Variants in MSI2 observed in about 807,000 individuals in gnomAD.
The protein encoded by MSI2 is musashi RNA binding protein 2.
A neutral mutation model predicts 45.6 loss-of-function variants in MSI2; 17 were observed. That is an observed-to-expected ratio of 0.37 (90% confidence interval 0.26 to 0.56). The LOEUF is 0.56. Among genes scored for constraint, MSI2 ranks in the 20% least tolerant of loss-of-function variants. MSI2 has a pLI of 0.77. For synonymous variants in MSI2, 156 were observed against 158.2 expected, an observed-to-expected ratio of 0.99 and a Z score of 0.11; for missense variants, 293 against 444.2, an observed-to-expected ratio of 0.66 and a Z score of 3.06.
chr17:57,649,403 A>C (rs1910953553), intron 10 of MSI2, among the ~76,000 whole-genome samples: 1 of 151,000 alleles, frequency 6.6e-6, no homozygotes, highest in South Asian at 2.1e-4. Context: ...CATACACCCA[A>C]CACATGTACA....
chr17:57,512,909 G>T (rs1376115082), intron 6 of MSI2, among the ~76,000 whole-genome samples: 3 of 151,094 alleles, frequency 2.0e-5, no homozygotes, highest in African/African-American at 7.3e-5. Context: ...AATAATAATG[G>T]ATGGCAGCTG....
At chr17:57,531,342 T>C (rs1030875828) in intron 7 of MSI2, among the ~76,000 whole-genome samples, 1 of 152,184 alleles carries the variant, frequency 6.6e-6, no homozygotes, top group African/African-American at 2.4e-5. Flanking sequence ...ATGCCAAGCA[T>C]CTAGTCAATT....
intron 6 of MSI2, among the ~76,000 whole-genome samples, chr17:57,442,536 C>T (rs753986193): frequency 3.3e-5 from 5 of 152,104 alleles, no homozygotes; most frequent in Non-Finnish European, 7.4e-5. Context: ...AGTTAGCCAT[C>T]TCCCCTCCCC....
At chr17:57,488,792 C>G (rs2085806593) in intron 6 of MSI2, among the ~76,000 whole-genome samples, 1 of 151,750 alleles carries the variant, frequency 6.6e-6, no homozygotes. Flanking sequence ...CCATTGCACT[C>G]CAGCTTGGGC....
chr17:57,497,910 C>G (rs764075608), intron 6 of MSI2, among the ~76,000 whole-genome samples: 17 of 152,184 alleles, frequency 1.1e-4, no homozygotes, highest in Non-Finnish European at 2.2e-4. Context: ...ACCAAGAGAG[C>G]TGGTCCTTGG....
At chr17:57,585,291 C>A (rs2088316853) in intron 7 of MSI2, among the ~76,000 whole-genome samples, 1 of 152,122 alleles carries the variant, frequency 6.6e-6, no homozygotes, top group South Asian at 2.1e-4. Flanking sequence ...TATACAGAGA[C>A]AAAAGTAAGC....
At chr17:57,411,149 C>T (rs948128692) in intron 6 of MSI2, among the ~76,000 whole-genome samples, 4 of 152,106 alleles carry the variant, frequency 2.6e-5, no homozygotes, top group African/African-American at 9.7e-5. Flanking sequence ...GGACTACAGG[C>T]ATGCACCACC....
At chr17:57,677,152 A>G in intron 13 of MSI2, 93 bp downstream of exon 13, 1 of 858,718 alleles carries the variant, frequency 1.2e-6, no homozygotes, top group Non-Finnish European at 2.0e-6. Flanking sequence ...CCCCTGTCTC[A>G]TCACATCCAC....
At chr17:57,457,904 G>A (rs1177211960) in intron 6 of MSI2, among the ~76,000 whole-genome samples, 9 of 151,894 alleles carry the variant, frequency 5.9e-5, no homozygotes, top group Admixed American at 1.3e-4. Flanking sequence ...GTGAGACCTC[G>A]TCTTTAAAAG....
chr17:57,604,881 C>CG (rs368361959), intron 8 of MSI2, among the ~76,000 whole-genome samples: 1 of 151,488 alleles, frequency 6.6e-6, no homozygotes, highest in Admixed American at 6.6e-5. Flanking sequence ...CTCACCCCCC[C>CG]ACTCCTTCCA....
intron 5 of MSI2, among the ~76,000 whole-genome samples, chr17:57,356,166 T>A (rs1156862401): frequency 6.6e-6 from 1 of 152,218 alleles, no homozygotes; most frequent in Non-Finnish European, 1.5e-5. Context: ...TGAGCCACCG[T>A]GCCTGGCCAG....
Position 57,627,289 on chromosome 17 carries a change from G to C in MSI2, c.713G>C (p.Gly238Ala), listed in dbSNP as rs1203491123. 2 of 1,614,204 alleles carry C rather than the reference G, an allele frequency of 1.2e-6. No individual in the cohort carries two copies. The highest frequency in any genetic ancestry group is 1.7e-6 in the Non-Finnish European group (2 of 1,180,038). The change falls in exon 10 of 14, where the codon GGC (glycine) becomes GCC (alanine). Residue 238 changes from glycine (G) to alanine (A), a missense_variant. Gly to Ala is a moderately conservative substitution (Grantham distance 60, BLOSUM62 0). Transcript: ENST00000284073. The surrounding 1 kb of genome is among the most constrained non-coding windows in gnomAD (Gnocchi z 4.6). ...TACCCCGGATTTGCTCCAAGCTATGGCTATCAGTTCCCAGGTGAGTGGCTT... is the reference window on the plus strand; with the variant it reads ...TACCCCGGATTTGCTCCAAGCTATGCCTATCAGTTCCCAGGTGAGTGGCTT... ...RGYPGFAPSYGYQFPGFPAAA... is the reference protein window; with the variant it reads ...RGYPGFAPSYAYQFPGFPAAA...
intron 6 of MSI2, among the ~76,000 whole-genome samples, chr17:57,500,753 G>T (rs951876452): frequency 7.6e-5 from 11 of 144,732 alleles, no homozygotes; most frequent in African/African-American, 2.8e-4. Flanking sequence ...CAGGCAAATT[G>T]CTTGAGCTCA....
intron 5 of MSI2, among the ~76,000 whole-genome samples, chr17:57,338,396 T>C (rs1255325247): frequency 1.3e-5 from 2 of 152,244 alleles, no homozygotes; most frequent in Non-Finnish European, 2.9e-5. Context: ...GCCTGTTTTA[T>C]TTTATTTTTT....
intron 5 of MSI2, among the ~76,000 whole-genome samples, chr17:57,368,297 G>C (rs898473751): frequency 1.3e-5 from 2 of 152,052 alleles, no homozygotes; most frequent in Non-Finnish European, 1.5e-5. Context: ...TGCACTTTGG[G>C]AGGCTCCCAG....
At chr17:57,414,510 C>G (rs2084257410) in intron 6 of MSI2, among the ~76,000 whole-genome samples, 1 of 152,120 alleles carries the variant, frequency 6.6e-6, no homozygotes, top group Non-Finnish European at 1.5e-5. Flanking sequence ...CTGCCTCAGC[C>G]TCCCAAGTAG....
chr17:57,491,147 G>T (rs1042466911), intron 6 of MSI2, among the ~76,000 whole-genome samples: 1 of 152,318 alleles, frequency 6.6e-6, no homozygotes, highest in East Asian at 1.9e-4. Context: ...CCAAGCGCTC[G>T]CATTGGTCAG....
chr17:57,408,625 C>T (rs2084129932), intron 6 of MSI2, among the ~76,000 whole-genome samples: 1 of 152,014 alleles, frequency 6.6e-6, no homozygotes, highest in African/African-American at 2.4e-5. Flanking sequence ...GTACTTCCAC[C>T]AGCTCACCTT....
intron 11 of MSI2, among the ~76,000 whole-genome samples, chr17:57,658,742 G>A (rs887831446): frequency 2.0e-5 from 3 of 152,188 alleles, no homozygotes; most frequent in Admixed American, 1.3e-4. Flanking sequence ...TATTTTCAGT[G>A]GTTGACACAT....
Sources: gnomAD v4.1 joint callset for allele counts (sites outside exome capture counted in the v4.1 genomes callset) on GRCh38, gnomAD v4.1.1 for gene constraint, Gnocchi (gnomAD v3.1) non-coding constraint, MANE v1.5 for transcripts, NCBI Gene and HGNC (gene_info 2026-07-23, HGNC 2026-07-21) for gene names.